XRN2: variants seen among roughly 807,000 people sequenced by gnomAD.
XRN2 encodes 5'-3' exoribonuclease 2.
Under a neutral mutation model 138.5 loss-of-function variants are expected in XRN2, and 44 were observed. The observed-to-expected ratio is 0.32, with a 90% confidence interval of 0.25 to 0.41. XRN2 has a LOEUF of 0.41. Among genes scored for constraint, XRN2 ranks in the 10% least tolerant of loss-of-function variants. The pLI, the probability that XRN2 is intolerant of heterozygous loss-of-function variation, is 1.00. For synonymous variants in XRN2, 354 were observed against 369.4 expected, an observed-to-expected ratio of 0.96 and a Z score of 0.48; for missense variants, 937 against 1,169.3, an observed-to-expected ratio of 0.80 and a Z score of 2.90.
In XRN2 at chr20:21,377,264, CTTT is replaced by C. The variant is rs761622310; in HGVS notation, c.2585-4718_2585-4716del. ...CCAACATATGATTTGTCGGTTTTTT[CTTT>C]TTTTTTTTTTTGGTCAGTCTTGCTT... On this transcript the variant is annotated intron_variant, in intron 27 of 29. Transcript: ENST00000377191. Among the ~76,000 whole-genome samples, 16 of 82,800 alleles carry C rather than the reference CTTT, an allele frequency of 1.9e-4. 1 individual carries two copies. Among genetic ancestry groups the C allele is most frequent in the African/African-American group, 8.0e-4 (15 of 18,684 alleles). The allele number at this position is 82,800 out of a possible 152,430, so 54.3% of individuals were successfully genotyped here. A position where few individuals can be genotyped will look rare whatever the true frequency, so the allele number is the denominator to read the frequency against.
chr20:21,362,788 A>G (rs966994334), intron 24 of XRN2, among the ~76,000 whole-genome samples: 6 of 152,110 alleles, frequency 3.9e-5, no homozygotes, highest in Non-Finnish European at 2.9e-5. Context: ...TGAGATCTTA[A>G]AGCATCTGTT....
Position 21,357,758 on chromosome 20 carries a change from A to G in XRN2, c.2221A>G (p.Met741Val), listed in dbSNP as rs763483205. The change falls in exon 24 of 30, where the codon ATG (methionine) becomes GTG (valine). Residue 741 changes from methionine (M) to valine (V), a missense_variant. Transcript: ENST00000377191. ...PDQIVCSPVP[M>V]LRDLTQNTVV... ...TAGAATAGTATGTTCTCCTGTTCCT[A>G]TGTTAAGGGATCTGACACAGAACAC... 28 of 1,598,786 alleles carry G rather than the reference A, an allele frequency of 1.8e-5. No individual in the cohort carries two copies. In the East Asian group the frequency reaches 4.1e-4, roughly 23 times the overall value.
At chr20:21,362,767 G>C (rs2038652104) in intron 24 of XRN2, among the ~76,000 whole-genome samples, 1 of 152,168 alleles carries the variant, frequency 6.6e-6, no homozygotes, top group Non-Finnish European at 1.5e-5. Flanking sequence ...TTCCATGGGA[G>C]AATTCTGCCT....
intron 24 of XRN2, among the ~76,000 whole-genome samples, chr20:21,359,212 A>AC (rs1199311348): frequency 3.3e-5 from 5 of 152,136 alleles, no homozygotes; most frequent in African/African-American, 7.2e-5. Context: ...GGTATTTAGT[A>AC]CATACTATGT....
chr20:21,345,533 C>T (rs965815543), intron 16 of XRN2, among the ~76,000 whole-genome samples: 2 of 152,102 alleles, frequency 1.3e-5, no homozygotes, highest in Non-Finnish European at 2.9e-5. Flanking sequence ...AATGGAGAAT[C>T]ATCTTGATGT....
Position 21,331,644 on chromosome 20 carries a change from C to T in XRN2, c.649+11C>T, listed in dbSNP as rs140118867. On this transcript the variant is annotated intron_variant, in intron 7 of 29. Transcript: ENST00000377191. ...TTAGAAGGCAAAGAGGTAAAGCTTA[C>T]TTACCAATATTTGATTATATGTTCT... is the stretch of plus-strand genomic sequence containing the variant. 1.5e-3 allele frequency: 2,356 copies of T among 1,609,066 alleles called. 35 individuals are homozygous for T. In the African/African-American group the frequency reaches 0.027, roughly 19 times the overall value.
intron 24 of XRN2, among the ~76,000 whole-genome samples, chr20:21,365,140 A>C (rs2038679521): frequency 6.6e-6 from 1 of 152,182 alleles, no homozygotes; most frequent in African/African-American, 2.4e-5. Flanking sequence ...ACCTGTCTAC[A>C]ATATCATTTT....
chr20:21,333,629 A>G lies in XRN2; in HGVS notation c.933+11A>G, dbSNP rs1459499266. On this transcript the variant is annotated intron_variant, in intron 10 of 29. Coordinates refer to ENST00000377191, the MANE Select transcript of XRN2 (RefSeq NM_012255.5). ...AATGTTCTTCGTGAGGTATGTAGCA[A>G]TAATCATTGAAATCAGCACTCTAAA... The G allele has an allele frequency of 3.7e-6, 6 of 1,613,626 alleles. No individual in the cohort carries two copies. Among genetic ancestry groups the G allele is most frequent in the African/African-American group, 1.3e-5 (1 of 74,896 alleles).
Position 21,381,961 on chromosome 20 carries a change from A to C in XRN2, c.2585-33A>C, listed in dbSNP as rs377016023. On this transcript the variant is annotated intron_variant, in intron 27 of 29. Coordinates refer to ENST00000377191, the MANE Select transcript of XRN2 (RefSeq NM_012255.5). ...TAGTTGAATATTGGTTACTTTTAAA[A>C]ATCTTCTTAACCCTTTCCTGTTTCT... 3.8e-6 allele frequency: 6 copies of C among 1,569,464 alleles called. No homozygotes were observed. In the African/African-American group the frequency reaches 8.3e-5, roughly 22 times the overall value.
At chr20:21,386,793 TG>T in intron 28 of XRN2, 74 bp from the exon 29 acceptor site, 3 of 1,534,060 alleles carry the variant, frequency 2.0e-6, no homozygotes, top group East Asian at 4.6e-5. Context: ...AATTTGGAGA[TG>T]ATACCTGCCG....
At chr20:21,303,715 G>A in intron 1 of XRN2, 1 of 1,249,162 alleles carries the variant, frequency 8.0e-7, no homozygotes, top group Middle Eastern at 3.1e-4. Context: ...CGAACTCGCA[G>A]GAGGGTCGCT....
chr20:21,322,633 C>T (rs2038062108), intron 1 of XRN2, among the ~76,000 whole-genome samples: 1 of 152,176 alleles, frequency 6.6e-6, no homozygotes, highest in African/African-American at 2.4e-5. Flanking sequence ...TTGACTGGAA[C>T]AGTGGGTTGG....
intron 20 of XRN2, among the ~76,000 whole-genome samples, chr20:21,352,291 G>A (rs893044137): frequency 4.6e-5 from 7 of 151,890 alleles, no homozygotes; most frequent in African/African-American, 1.2e-4. Context: ...ATCTGGATAC[G>A]TCAACATTTT....
At chr20:21,336,188 G>A (rs953473030) in intron 13 of XRN2, among the ~76,000 whole-genome samples, 1 of 152,190 alleles carries the variant, frequency 6.6e-6, no homozygotes, top group African/African-American at 2.4e-5. Flanking sequence ...GGCTAAGCGT[G>A]GTGGCTCATG....
At chr20:21,335,826 T>C (rs2038280193) in intron 13 of XRN2, among the ~76,000 whole-genome samples, 1 of 152,322 alleles carries the variant, frequency 6.6e-6, no homozygotes, top group East Asian at 1.9e-4. Flanking sequence ...ACCATAGTGT[T>C]ACAGATTTAA....
intron 3 of XRN2, 130 bp from the exon 4 acceptor site, chr20:21,328,429 A>G (rs2038157954): frequency 8.0e-6 from 7 of 877,414 alleles, no homozygotes; most frequent in Non-Finnish European, 1.2e-5. Context: ...TGAAAGGATT[A>G]TTAGACACAT....
At chr20:21,368,714 G>GT (rs912773292) in intron 27 of XRN2, 124 bp downstream of exon 27, 17 of 1,311,752 alleles carry the variant, frequency 1.3e-5, no homozygotes, top group Non-Finnish European at 1.6e-5. Context: ...TTAAAAACAT[G>GT]TAAGTTAGAA....
chr20:21,372,348 G>T (rs1205657082), intron 27 of XRN2, among the ~76,000 whole-genome samples: 1 of 152,166 alleles, frequency 6.6e-6, no homozygotes, highest in East Asian at 1.9e-4. Context: ...AAAATTATGA[G>T]CTTTGAAGTA....
At chr20:21,316,186 G>A (rs892885738) in intron 1 of XRN2, among the ~76,000 whole-genome samples, 12 of 152,294 alleles carry the variant, frequency 7.9e-5, no homozygotes, top group African/African-American at 2.6e-4. Context: ...CCCAGGAGGC[G>A]GAGGTTGCAG....
Sources: gnomAD v4.1 joint callset for allele counts (sites outside exome capture counted in the v4.1 genomes callset) on GRCh38, gnomAD v4.1.1 for gene constraint, MANE v1.5 for transcripts, NCBI Gene and HGNC (gene_info 2026-07-23, HGNC 2026-07-21) for gene names.